The following KCTD1 variants were observed in gnomAD, a reference collection of about 807,000 sequenced individuals.
KCTD1 encodes the protein BTB/POZ domain-containing protein KCTD1.
A neutral mutation model predicts 66.0 loss-of-function variants in KCTD1; 24 were observed. The observed-to-expected ratio is 0.36, with a 90% CI of 0.26 to 0.51. The LOEUF (loss-of-function observed/expected upper bound fraction) is 0.51, where lower values mean the gene tolerates loss of function less well. Ranked by LOEUF, KCTD1 falls within the 20% of genes least tolerant of loss-of-function variation. The probability of loss-of-function intolerance (pLI) is 0.95; values close to 1 mark genes in which losing one functional copy is unlikely to be tolerated. For missense variants in KCTD1, 943 were observed against 1,205.2 expected (o/e 0.78, Z 3.22); for synonymous variants, 511 against 517.2 (o/e 0.99, Z 0.16).
At chr18:26,576,941 AGTAAACACTTT>A (rs1391940745) in intron 1 of KCTD1, among the ~76,000 whole-genome samples, 7 of 152,236 alleles carry the variant, frequency 4.6e-5, no homozygotes, top group Admixed American at 1.3e-4. Context: ...ATATTGCAGA[AGTAAACACTTT>A]GTAACCATGC....
At chr18:26,585,511 T>C (rs1986453595) in intron 1 of KCTD1, among the ~76,000 whole-genome samples, 1 of 152,206 alleles carries the variant, frequency 6.6e-6, no homozygotes, top group African/African-American at 2.4e-5. Context: ...ATCTCTAGTT[T>C]TCTTTTAGTT....
At chr18:26,577,613 C>T (rs373932874) in intron 1 of KCTD1, among the ~76,000 whole-genome samples, 1 of 151,962 alleles carries the variant, frequency 6.6e-6, no homozygotes, top group Non-Finnish European at 1.5e-5. Flanking sequence ...GTGGCTCAAT[C>T]GTAGCTCACT....
At chr18:26,456,028 G>T in intron 4 of KCTD1, 127 bp from the exon 5 acceptor site, 1 of 841,994 alleles carries the variant, frequency 1.2e-6, no homozygotes, top group Non-Finnish European at 1.8e-6. Context: ...CCTGTGAGCT[G>T]CTCCTCTCAA....
At chr18:26,569,315 A>G (rs1986050790) in intron 1 of KCTD1, among the ~76,000 whole-genome samples, 3 of 152,196 alleles carry the variant, frequency 2.0e-5, no homozygotes, top group Non-Finnish European at 4.4e-5. Context: ...GTATTCCTTC[A>G]CTACACTACA....
chr18:26,578,623 TG>T (rs1567999275), intron 1 of KCTD1, among the ~76,000 whole-genome samples: 2 of 152,238 alleles, frequency 1.3e-5, no homozygotes, highest in African/African-American at 4.8e-5. Context: ...TTGCAGACTC[TG>T]GGCTCTAACC....
At chr18:26,601,657 C>T (rs1016802805) in intron 1 of KCTD1, among the ~76,000 whole-genome samples, 3 of 152,152 alleles carry the variant, frequency 2.0e-5, no homozygotes, top group Non-Finnish European at 4.4e-5. Flanking sequence ...ACATAGTATG[C>T]CTTTCCAATT....
chr18:26,597,055 C>T (rs956708479), intron 1 of KCTD1, among the ~76,000 whole-genome samples: 9 of 151,870 alleles, frequency 5.9e-5, no homozygotes, highest in Non-Finnish European at 1.0e-4. Flanking sequence ...ACTGGAGTCT[C>T]GGTGGGTAAA....
intron 1 of KCTD1, among the ~76,000 whole-genome samples, chr18:26,506,018 G>GT (rs777685854): frequency 2.0e-5 from 3 of 150,788 alleles, no homozygotes; most frequent in Non-Finnish European, 3.0e-5. Flanking sequence ...TGGGACTGCA[G>GT]GTGTGCGCCA....
In KCTD1 at chr18:26,468,748, G is replaced by A. The variant is rs1980887657; in HGVS notation, c.2133+7767C>T. On this transcript the variant is annotated intron_variant, in intron 3 of 4. Coordinates refer to ENST00000580059, the MANE Select transcript of KCTD1 (RefSeq NM_001142730.3). The surrounding 1 kb of genome is among the most constrained non-coding windows in gnomAD (Gnocchi z 4.8). ...CTGTAGTCCAGCTACTTGGGAGGCT[G>A]AGGAAAGAGAACTGCTTGAACCCGG... Among the ~76,000 whole-genome samples the A allele has an allele frequency of 6.6e-6, 1 of 152,194 alleles. No homozygotes were observed.
At chr18:26,522,306 G>A (rs1166514422) in intron 1 of KCTD1, among the ~76,000 whole-genome samples, 1 of 152,188 alleles carries the variant, frequency 6.6e-6, no homozygotes, top group South Asian at 2.1e-4. Context: ...AACATGCCAC[G>A]TGAGCTTCAA....
At chr18:26,487,679 G>C (rs544445197) in intron 2 of KCTD1, among the ~76,000 whole-genome samples, 17 of 152,324 alleles carry the variant, frequency 1.1e-4, no homozygotes, top group African/African-American at 1.9e-4. Context: ...AACAATGCAC[G>C]GTCTGTAGGT....
At chr18:26,593,990 T>C (rs903632508) in intron 1 of KCTD1, among the ~76,000 whole-genome samples, 1 of 152,122 alleles carries the variant, frequency 6.6e-6, no homozygotes, top group Non-Finnish European at 1.5e-5. Context: ...GAGTGGAATA[T>C]TTTATGTTTA....
In KCTD1 at chr18:26,480,414, T is replaced by C. The variant is rs1981580444; in HGVS notation, c.1989-3755A>G. Among the ~76,000 whole-genome samples, 8 of 152,164 alleles carry C rather than the reference T, an allele frequency of 5.3e-5. 2 individuals are homozygous for C. ...GAAAGTTCACTCAAAATATGTTCAC[T>C]AAAAAAAAGTTCATTAAAAATGACA... is the stretch of plus-strand genomic sequence containing the variant. On this transcript the variant is annotated intron_variant, in intron 2 of 4. Coordinates refer to ENST00000580059, the MANE Select transcript of KCTD1 (RefSeq NM_001142730.3).
Position 26,547,514 on chromosome 18 carries a change from G to A in KCTD1, c.1023C>T (p.Asp341=), listed in dbSNP as rs1985307953. 6.4e-7 allele frequency: 1 copy of A among 1,551,560 alleles called. No individual in the cohort carries two copies. Among genetic ancestry groups the A allele is most frequent in the South Asian group, 1.2e-5 (1 of 84,066 alleles). Residue 341 remains aspartate (D), a synonymous_variant, in exon 1 of 5, where the codon GAC becomes GAT. Transcript: ENST00000580059. ...EDSFGLAMDE[D]GRKFVYFKSL... is the part of the protein sequence containing the mutation. Reference sequence around the variant, plus strand: ...ACTTGAAGTAGACGAACTTGCGACCGTCCTCGTCCATGGCCAGCCCAAAAG... The same window carrying A: ...ACTTGAAGTAGACGAACTTGCGACCATCCTCGTCCATGGCCAGCCCAAAAG...
At chr18:26,536,900 A>G (rs1984734441) in intron 1 of KCTD1, among the ~76,000 whole-genome samples, 1 of 151,074 alleles carries the variant, frequency 6.6e-6, no homozygotes, top group Non-Finnish European at 1.5e-5. Context: ...GGATTCTATG[A>G]CTCCATGATC....
upstream of KCTD1, among the ~76,000 whole-genome samples, chr18:26,552,252 G>T (rs545015290): frequency 2.2e-4 from 34 of 152,262 alleles, no homozygotes; most frequent in African/African-American, 7.2e-4. Context: ...TTTATGAAAG[G>T]TTATACTATA....
At chr18:26,480,433 A>C (rs1378042839) in intron 2 of KCTD1, among the ~76,000 whole-genome samples, 1 of 152,222 alleles carries the variant, frequency 6.6e-6, no homozygotes, top group Non-Finnish European at 1.5e-5. Context: ...GTTCATTAAA[A>C]ATGACAGATA....
intron 1 of KCTD1, among the ~76,000 whole-genome samples, chr18:26,530,996 C>T (rs777330020): frequency 1.9e-4 from 29 of 152,278 alleles, no homozygotes; most frequent in Middle Eastern, 3.4e-3. Flanking sequence ...GTACTTAGTA[C>T]GCACCAACCA....
chr18:26,593,351 G>A (rs867406001), intron 1 of KCTD1, among the ~76,000 whole-genome samples: 718 of 43,764 alleles, frequency 0.016, 8 homozygotes, highest in African/African-American at 0.036. Context: ...AGGAAGAGGA[G>A]GAGGAGGAAG....
Sources: gnomAD v4.1 joint callset for allele counts (sites outside exome capture counted in the v4.1 genomes callset) on GRCh38, gnomAD v4.1.1 for gene constraint, Gnocchi (gnomAD v3.1) non-coding constraint, MANE v1.5 for transcripts, NCBI Gene and HGNC (gene_info 2026-07-23, HGNC 2026-07-21) for gene names.